Variants in C6orf58 observed in about 807,000 individuals in gnomAD.
C6orf58 encodes the protein chromosome 6 open reading frame 58.
In C6orf58, 30 loss-of-function variants were observed where a neutral mutation model predicts 37.0. The ratio of observed to expected loss-of-function variants is 0.81; its 90% CI spans 0.61 to 1.10. The LOEUF is 1.10. Ranked by LOEUF, C6orf58 falls within the 50% of genes least tolerant of loss-of-function variation. The pLI, the probability that C6orf58 is intolerant of heterozygous loss-of-function variation, is 0.00. For synonymous variants in C6orf58, 143 were observed against 134.1 expected, an observed-to-expected ratio of 1.07 and a Z score of -0.46; for missense variants, 368 against 387.5, an observed-to-expected ratio of 0.95 and a Z score of 0.42.
intron 4 of C6orf58, 94 bp from the exon 5 acceptor site, chr6:127,589,993 G>A (rs1359902355): frequency 1.3e-6 from 1 of 787,062 alleles, no homozygotes; most frequent in Non-Finnish European, 2.1e-6. Flanking sequence ...TATGAATTTA[G>A]TTTGTTGGCA....
At position 127,590,332 on chromosome 6, in the gene C6orf58, A is replaced by T; in HGVS notation, c.913+7A>T. 1.3e-6 allele frequency: 2 copies of T among 1,517,452 alleles called. No homozygotes were observed. The highest frequency in any genetic ancestry group is 1.8e-6 in the Non-Finnish European group (2 of 1,101,636). The allele number at this position is 1,517,452 out of a possible 1,614,324, so 94.0% of individuals were successfully genotyped here. A position where few individuals can be genotyped will look rare whatever the true frequency, so the allele number is the denominator to read the frequency against. On this transcript the variant is annotated splice_region_variant and intron_variant, in intron 5 of 5. Transcript: ENST00000329722. ...AATGTGGATAAATCTATAGGTAAGA[A>T]CCTTAAAAGGATACTTTTAAAAATC...
chr6:127,582,411 G>A (rs1304342014), intron 4 of C6orf58, among the ~76,000 whole-genome samples: 1 of 152,140 alleles, frequency 6.6e-6, no homozygotes, highest in Non-Finnish European at 1.5e-5. Context: ...CAATTGGCTT[G>A]TTTGTTGATT....
intron 1 of C6orf58, among the ~76,000 whole-genome samples, chr6:127,578,242 A>G (rs189529586): frequency 8.7e-4 from 132 of 152,278 alleles, no homozygotes; most frequent in African/African-American, 3.0e-3. Flanking sequence ...CTCACATCAC[A>G]ACCTTATAAT....
At chr6:127,578,657 A>G (rs1775015208) in intron 1 of C6orf58, 29 bp from the exon 2 acceptor site, 1 of 1,527,368 alleles carries the variant, frequency 6.5e-7, no homozygotes, top group African/African-American at 1.4e-5. Context: ...GCGTATAATA[A>G]ATACGACTGT....
chr6:127,591,331 G>A (rs918811291), intron 5 of C6orf58, among the ~76,000 whole-genome samples: 16 of 152,048 alleles, frequency 1.1e-4, no homozygotes, highest in South Asian at 2.1e-4. Flanking sequence ...TAGAAAGAAC[G>A]TGAAGTAAAG....
rs1444125732 is a variant in C6orf58, at chr6:127,580,339, C to A, written c.463C>A (p.Gln155Lys). The change falls in exon 3 of 6, where the codon CAA becomes AAA. Residue 155 changes from glutamine to lysine, a missense_variant. Physicochemically the swap from Gln to Lys is moderately conservative, Grantham distance 53. Transcript: ENST00000329722. ...DSGVMGISSD[Q>K]VRLLPPPKNE... Reference sequence around the variant, plus strand: ...TGGTGTAATGGGGATATCATCAGACCAAGTCAGGCTTTTGCCCCCACCCAA... The same window carrying A: ...TGGTGTAATGGGGATATCATCAGACAAAGTCAGGCTTTTGCCCCCACCCAA... The A allele has an allele frequency of 5.6e-6, 9 of 1,612,688 alleles. No homozygotes were observed. Among genetic ancestry groups the A allele is most frequent in the Non-Finnish European group, 6.8e-6 (8 of 1,179,144 alleles).
Position 127,590,132 on chromosome 6 carries a change from G to T in C6orf58, c.720G>T (p.Trp240Cys). The T allele has an allele frequency of 6.2e-7, 1 of 1,613,590 alleles. No individual in the cohort carries two copies. ...SKAEAHFERS[W>C]VLAVDHLAAV... ...CAGAAGCGCATTTTGAGAGAAGTTGGGTACTGGCTGTGGATCATTTAGCTG... is the reference window on the plus strand; with the variant it reads ...CAGAAGCGCATTTTGAGAGAAGTTGTGTACTGGCTGTGGATCATTTAGCTG... The change falls in exon 5 of 6, where the codon TGG becomes TGT. Residue 240 changes from tryptophan to cysteine, a missense_variant. Coordinates refer to ENST00000329722, the MANE Select transcript of C6orf58 (RefSeq NM_001010905.3).
chr6:127,585,445 AT>A, intron 4 of C6orf58, among the ~76,000 whole-genome samples: 1 of 152,360 alleles, frequency 6.6e-6, no homozygotes, highest in Middle Eastern at 3.4e-3. Flanking sequence ...TTAAAGGCAA[AT>A]GCAGAAAAAT....
intron 1 of C6orf58, among the ~76,000 whole-genome samples, chr6:127,578,086 CT>C (rs1775009218): frequency 6.6e-6 from 1 of 152,022 alleles, no homozygotes; most frequent in Admixed American, 6.6e-5. Context: ...CCACTCCCTG[CT>C]GATGACACAG....
intron 1 of C6orf58, among the ~76,000 whole-genome samples, chr6:127,577,835 A>T (rs1311915935): frequency 6.6e-6 from 1 of 152,124 alleles, no homozygotes; most frequent in Non-Finnish European, 1.5e-5. Context: ...AGTCAAGGGG[A>T]TATACAAAGT....
chr6:127,583,675 C>A (rs146974415), intron 4 of C6orf58, among the ~76,000 whole-genome samples: 23 of 152,200 alleles, frequency 1.5e-4, no homozygotes, highest in African/African-American at 5.3e-4. Flanking sequence ...TGATGGAGTT[C>A]AAAGGCAGTC....
intron 5 of C6orf58, among the ~76,000 whole-genome samples, 153 bp from the exon 6 acceptor site, chr6:127,591,390 G>T (rs1039378851): frequency 5.3e-5 from 8 of 152,082 alleles, no homozygotes; most frequent in African/African-American, 1.7e-4. Context: ...TTCTATGAAT[G>T]ACATGCCATG....
chr6:127,582,593 G>C (rs1248257079), intron 4 of C6orf58, among the ~76,000 whole-genome samples: 1 of 152,182 alleles, frequency 6.6e-6, no homozygotes, highest in East Asian at 1.9e-4. Context: ...CTTTGCAGTA[G>C]AGTCAGCTGT....
At position 127,581,284 on chromosome 6, in the gene C6orf58, T is replaced by C. The variant is rs1244515391; in HGVS notation, c.674+2T>C. On this transcript the variant is annotated splice_donor_variant, in intron 4 of 5. Transcript: ENST00000329722. LOFTEE classifies it high-confidence loss of function. ...TAATATCAAAAGTTTTGAAGACAGG[T>C]AAGAATGAATCTTTAAAGTATCTCT... 6.5e-6 allele frequency: 9 copies of C among 1,390,258 alleles called. No individual in the cohort carries two copies. In the East Asian group the frequency reaches 1.7e-4, roughly 26 times the overall value. The allele number at this position is 1,390,258 out of a possible 1,614,324, so 86.1% of individuals were successfully genotyped here.
At chr6:127,588,474 T>C (rs1249885094) in intron 4 of C6orf58, among the ~76,000 whole-genome samples, 4 of 152,134 alleles carry the variant, frequency 2.6e-5, no homozygotes, top group Non-Finnish European at 5.9e-5. Context: ...TAGGCAAATA[T>C]ATATTAAGGA....
At chr6:127,591,429 T>G (rs1775161303) in intron 5 of C6orf58, 114 bp from the exon 6 acceptor site, 3 of 954,826 alleles carry the variant, frequency 3.1e-6, no homozygotes, top group South Asian at 2.2e-5. Flanking sequence ...ATTTATGATT[T>G]TACCATTAAA....
intron 4 of C6orf58, among the ~76,000 whole-genome samples, chr6:127,585,053 G>T (rs911431457): frequency 6.6e-6 from 1 of 151,984 alleles, no homozygotes; most frequent in Admixed American, 6.5e-5. Flanking sequence ...ACTCTCATTC[G>T]GTCCAATGGG....
At chr6:127,582,382 A>C (rs753327987) in intron 4 of C6orf58, among the ~76,000 whole-genome samples, 3 of 152,160 alleles carry the variant, frequency 2.0e-5, no homozygotes, top group Non-Finnish European at 4.4e-5. Context: ...AGCCAGAAGA[A>C]AAATCTACTT....
At chr6:127,578,627 G>A in intron 1 of C6orf58, 59 bp from the exon 2 acceptor site, 2 of 1,205,770 alleles carry the variant, frequency 1.7e-6, no homozygotes, top group Admixed American at 1.8e-5. Flanking sequence ...TTAAGCAATA[G>A]TTACAGCCAG....
Sources: gnomAD v4.1 joint callset for allele counts (sites outside exome capture counted in the v4.1 genomes callset) on GRCh38, gnomAD v4.1.1 for gene constraint, MANE v1.5 for transcripts, NCBI Gene and HGNC (gene_info 2026-07-23, HGNC 2026-07-21) for gene names.